Variants in NALF1 observed in about 807,000 individuals in gnomAD.
NALF1 encodes family with sequence similarity 155 member A.
Under a neutral mutation model 48.4 loss-of-function variants are expected in NALF1, and 3 were observed. The ratio of observed to expected loss-of-function variants is 0.06; its 90% CI spans 0.03 to 0.16. The LOEUF is 0.16. Among genes scored for constraint, NALF1 ranks in the 10% least tolerant of loss-of-function variants. NALF1 has a pLI of 1.00. For missense variants in NALF1, 526 were observed against 571.5 expected (o/e 0.92, Z 0.81); for synonymous variants, 262 against 245.7 (o/e 1.07, Z -0.62).
At chr13:107,200,890 C>T (rs755198192) in intron 2 of NALF1, among the ~76,000 whole-genome samples, 4 of 152,118 alleles carry the variant, frequency 2.6e-5, no homozygotes, top group Non-Finnish European at 5.9e-5. Flanking sequence ...GGCCACAGGA[C>T]CTGTTCCTAC....
chr13:107,707,077 T>C (rs1223098790), intron 1 of NALF1, among the ~76,000 whole-genome samples: 11 of 151,154 alleles, frequency 7.3e-5, no homozygotes, highest in Non-Finnish European at 1.5e-4. Context: ...CGCCCGCCAC[T>C]ACGCCCGGCT....
chr13:107,423,049 T>C (rs1276460381), intron 1 of NALF1, among the ~76,000 whole-genome samples: 1 of 152,182 alleles, frequency 6.6e-6, no homozygotes, highest in Non-Finnish European at 1.5e-5. Flanking sequence ...GATAATAAAG[T>C]TGTGGTGTTT....
intron 1 of NALF1, among the ~76,000 whole-genome samples, chr13:107,662,088 C>T (rs907160992): frequency 6.6e-6 from 1 of 152,166 alleles, no homozygotes; most frequent in Non-Finnish European, 1.5e-5. Flanking sequence ...TCTATTTTCC[C>T]ATTAAAATCA....
At chr13:107,307,511 G>T (rs1403145660) in intron 1 of NALF1, among the ~76,000 whole-genome samples, 3 of 148,304 alleles carry the variant, frequency 2.0e-5, no homozygotes, top group African/African-American at 7.5e-5. Context: ...ACCGAGTCTC[G>T]CTCTGTCACC....
intron 1 of NALF1, among the ~76,000 whole-genome samples, chr13:107,816,177 A>G (rs1378634671): frequency 2.0e-5 from 3 of 152,218 alleles, no homozygotes; most frequent in Non-Finnish European, 4.4e-5. Flanking sequence ...ACCTCACCCA[A>G]CACAGCAGAA....
intron 1 of NALF1, among the ~76,000 whole-genome samples, chr13:107,487,555 G>C (rs921780878): frequency 3.9e-5 from 6 of 152,266 alleles, no homozygotes; most frequent in Non-Finnish European, 8.8e-5. Flanking sequence ...GCAAGATTTT[G>C]TTATTTACCT....
intron 1 of NALF1, among the ~76,000 whole-genome samples, chr13:107,842,053 A>C (rs561004219): frequency 5.7e-4 from 87 of 152,136 alleles, no homozygotes; most frequent in Non-Finnish European, 1.1e-3. Context: ...ATACATAATA[A>C]ATTTTTAAAA....
intron 1 of NALF1, among the ~76,000 whole-genome samples, chr13:107,678,558 C>T (rs1881192571): frequency 6.6e-6 from 1 of 152,156 alleles, no homozygotes; most frequent in Non-Finnish European, 1.5e-5. Flanking sequence ...CTTTCGTCTG[C>T]GGTTTTGTAT....
At position 107,619,841 on chromosome 13, in the gene NALF1, C is replaced by T. The variant is rs146684445; in HGVS notation, c.915+245841G>A. Among the ~76,000 whole-genome samples the T allele has an allele frequency of 5.5e-3, 832 of 152,142 alleles. 7 individuals carry two copies. The highest frequency in any genetic ancestry group is 0.017 in the African/African-American group (698 of 41,520). On this transcript the variant is annotated intron_variant, in intron 1 of 2. Transcript: ENST00000375915. ...CCTCAGGTAACCATGTCATATGATA[C>T]GATTTAGCCAAACAACACAAACTGA... is the stretch of plus-strand genomic sequence containing the variant.
At chr13:107,864,782 G>C (rs1208819989) in intron 1 of NALF1, among the ~76,000 whole-genome samples, 2 of 152,166 alleles carry the variant, frequency 1.3e-5, no homozygotes, top group Admixed American at 1.3e-4. Context: ...TGTTGCATTT[G>C]CATCGACCAA....
At chr13:107,394,285 C>T (rs982046860) in intron 1 of NALF1, among the ~76,000 whole-genome samples, 9 of 152,160 alleles carry the variant, frequency 5.9e-5, no homozygotes, top group South Asian at 2.1e-4. Context: ...AGCTTTCAGA[C>T]GAACTGTGGC....
intron 1 of NALF1, among the ~76,000 whole-genome samples, chr13:107,486,579 G>A (rs1435764221): frequency 6.6e-6 from 1 of 152,180 alleles, no homozygotes; most frequent in African/African-American, 2.4e-5. Flanking sequence ...GTCCTGGGCT[G>A]CAGTAGGTGA....
intron 1 of NALF1, among the ~76,000 whole-genome samples, chr13:107,242,787 A>G (rs529352821): frequency 1.4e-4 from 21 of 152,226 alleles, no homozygotes; most frequent in African/African-American, 5.1e-4. Flanking sequence ...CTTGTAGGTT[A>G]TACAAGTTCT....
At chr13:107,272,600 T>C (rs1013101849) in intron 1 of NALF1, among the ~76,000 whole-genome samples, 3 of 152,214 alleles carry the variant, frequency 2.0e-5, no homozygotes, top group African/African-American at 7.2e-5. Context: ...TATAAAATTC[T>C]GTTCATTTCA....
intron 1 of NALF1, among the ~76,000 whole-genome samples, chr13:107,748,264 T>G (rs1415822942): frequency 6.6e-6 from 1 of 152,224 alleles, no homozygotes. Context: ...TAATTTGAGT[T>G]GTATAAAAAT....
chr13:107,377,253 T>C (rs1883355293), intron 1 of NALF1, among the ~76,000 whole-genome samples: 1 of 152,114 alleles, frequency 6.6e-6, no homozygotes, highest in Non-Finnish European at 1.5e-5. Context: ...TGTTCTTTCT[T>C]TTGAGGAAAG....
chr13:107,235,920 T>C (rs1025398126), intron 1 of NALF1, among the ~76,000 whole-genome samples: 1 of 152,198 alleles, frequency 6.6e-6, no homozygotes, highest in African/African-American at 2.4e-5. Context: ...TCATCTCCCA[T>C]GTTTTGGGGA....
In NALF1 at chr13:107,535,040, C is replaced by T. The variant is rs549485670; in HGVS notation, c.916-324285G>A. ...GATTTTTGCACATTGATTTTGTATCCTGAGACTTTGCTGAAGTTGCCTATC... is the reference window on the plus strand; with the variant it reads ...GATTTTTGCACATTGATTTTGTATCTTGAGACTTTGCTGAAGTTGCCTATC... On this transcript the variant is annotated intron_variant, in intron 1 of 2. Coordinates refer to ENST00000375915, the MANE Select transcript of NALF1 (RefSeq NM_001080396.3). Among the ~76,000 whole-genome samples the T allele has an allele frequency of 2.6e-5, 4 of 152,186 alleles. No individual in the cohort carries two copies. The South Asian group carries it at 6.2e-4, about 24-fold the overall frequency.
rs562644950 is a variant in NALF1 at position 107,163,815 on chromosome 13, G to A, written c.*6682C>T. ...GAAAAATAGAAATAAGGAAAATTAA[G>A]TGCAAACATGAGAATGCTTATCATG... On this transcript the variant is annotated 3_prime_UTR_variant, in exon 3 of 3. Coordinates refer to ENST00000375915, the MANE Select transcript of NALF1 (RefSeq NM_001080396.3). 14 of 152,066 alleles carry A rather than the reference G, an allele frequency of 9.2e-5. No homozygotes were observed. Among genetic ancestry groups the A allele is most frequent in the Non-Finnish European group, 1.6e-4 (11 of 68,010 alleles). The allele number at this position is 152,066 out of a possible 1,614,324, so 9.4% of individuals were successfully genotyped here.
Sources: allele counts gnomAD v4.1 joint callset (sites outside exome capture counted in the v4.1 genomes callset), GRCh38; gene constraint gnomAD v4.1.1; transcripts MANE v1.5; gene names NCBI Gene and HGNC (gene_info 2026-07-23, HGNC 2026-07-21).